Variants in PAPPA observed in about 807,000 individuals in gnomAD.
PAPPA encodes pappalysin-1.
PAPPA carries 60 observed loss-of-function variants against 164.0 expected under a neutral mutation model. The observed-to-expected ratio is 0.37, with a 90% CI of 0.30 to 0.45. PAPPA has a LOEUF of 0.45. Among genes scored for constraint, PAPPA ranks in the 20% least tolerant of loss-of-function variants. The pLI, the probability that PAPPA is intolerant of heterozygous loss-of-function variation, is 1.00. For synonymous variants in PAPPA, 875 were observed against 814.1 expected (o/e 1.07, Z -1.27); for missense variants, 1,782 against 2,087.3 (o/e 0.85, Z 2.85).
chr9:116,383,777 C>T (rs1048007491), intron 21 of PAPPA, among the ~76,000 whole-genome samples: 1 of 152,148 alleles, frequency 6.6e-6, no homozygotes, highest in African/African-American at 2.4e-5. Context: ...GCATGCCTAC[C>T]CTTCTTTGGT....
chr9:116,295,017 T>C (rs921477501), intron 9 of PAPPA, among the ~76,000 whole-genome samples: 1 of 152,200 alleles, frequency 6.6e-6, no homozygotes. Flanking sequence ...CTTTGCTTTC[T>C]CCTTGAGCTC....
rs1845989087 is a variant in PAPPA at position 116,331,369 on chromosome 9, C to T, written c.3261+12C>T. 3 of 1,487,014 alleles carry T rather than the reference C, an allele frequency of 2.0e-6. No individual in the cohort carries two copies. The highest frequency in any genetic ancestry group is 1.9e-6 in the Non-Finnish European group (2 of 1,064,154). 92.1% of individuals were successfully genotyped at this position (1,487,014 alleles called of 1,614,324 possible). ...CTTTTTGGCTCCGGGTAAGCTGAAG[C>T]TCTGAGAGCTTTGGAATCTCCAGCA... On this transcript the variant is annotated intron_variant, in intron 11 of 21. Transcript: ENST00000328252.
At chr9:116,307,825 A>C (rs1845666747) in intron 10 of PAPPA, among the ~76,000 whole-genome samples, 1 of 152,154 alleles carries the variant, frequency 6.6e-6, no homozygotes, top group Non-Finnish European at 1.5e-5. Context: ...AACCTTGAGT[A>C]AGTTACTCTT....
intron 13 of PAPPA, among the ~76,000 whole-genome samples, chr9:116,341,232 G>A (rs2118969510): frequency 6.6e-6 from 1 of 151,998 alleles, no homozygotes; most frequent in Non-Finnish European, 1.5e-5. Flanking sequence ...CTAGAGACAG[G>A]GATGCACCAT....
At chr9:116,221,020 A>G (rs1002666594) in intron 5 of PAPPA, among the ~76,000 whole-genome samples, 3 of 152,090 alleles carry the variant, frequency 2.0e-5, no homozygotes, top group African/African-American at 7.2e-5. Context: ...CTGAGGCACA[A>G]GGTACCTCTA....
intron 7 of PAPPA, among the ~76,000 whole-genome samples, chr9:116,246,007 A>C (rs1054906019): frequency 6.6e-6 from 1 of 152,234 alleles, no homozygotes; most frequent in Non-Finnish European, 1.5e-5. Context: ...AATAGAAAGA[A>C]AGCAATATTC....
At chr9:116,294,273 T>C (rs2118873603) in intron 9 of PAPPA, among the ~76,000 whole-genome samples, 1 of 152,282 alleles carries the variant, frequency 6.6e-6, no homozygotes, top group Middle Eastern at 3.4e-3. Context: ...CATGTGGGTA[T>C]GTGGCCAACC....
chr9:116,274,686 C>T (rs1191734406), intron 9 of PAPPA, among the ~76,000 whole-genome samples: 1 of 152,178 alleles, frequency 6.6e-6, no homozygotes, highest in African/African-American at 2.4e-5. Context: ...TTTTTGGATA[C>T]TTTCTATCAG....
At chr9:116,387,065 C>T (rs1846824175) in intron 21 of PAPPA, among the ~76,000 whole-genome samples, 1 of 152,056 alleles carries the variant, frequency 6.6e-6, no homozygotes, top group South Asian at 2.1e-4. Flanking sequence ...CCTTACACAC[C>T]CAGGCTAGCG....
At position 116,353,857 on chromosome 9, in the gene PAPPA, G is replaced by C. The variant is rs912830076; in HGVS notation, c.4347+64G>C. ...TTTCCTTTCTGCTTACCAAAAACTA[G>C]CCTGTACTTCAGGAACCACTTTCTG... is the stretch of plus-strand genomic sequence containing the variant. On this transcript the variant is annotated intron_variant, in intron 17 of 21. Coordinates refer to ENST00000328252, the MANE Select transcript of PAPPA (RefSeq NM_002581.5). 2.3e-6 allele frequency: 3 copies of C among 1,286,284 alleles called. No homozygotes were observed. In the African/African-American group the frequency reaches 4.5e-5, roughly 19 times the overall value. The allele number at this position is 1,286,284 out of a possible 1,614,324, so 79.7% of individuals were successfully genotyped here.
chr9:116,366,606 C>A (rs1289303095), intron 18 of PAPPA, among the ~76,000 whole-genome samples: 2 of 152,200 alleles, frequency 1.3e-5, no homozygotes, highest in Admixed American at 1.3e-4. Context: ...CTGTCTCTTG[C>A]ACTCATTTTA....
intron 1 of PAPPA, among the ~76,000 whole-genome samples, chr9:116,185,649 A>G (rs1316787955): frequency 6.6e-6 from 1 of 152,116 alleles, no homozygotes; most frequent in African/African-American, 2.4e-5. Context: ...TACACTCTTA[A>G]TTAGAAAGTC....
chr9:116,285,171 C>CTTTTTTTTTTTTTTTTTTTTTTTTTTT, intron 9 of PAPPA, among the ~76,000 whole-genome samples: 6 of 89,496 alleles, frequency 6.7e-5, no homozygotes, highest in Non-Finnish European at 1.0e-4. Context: ...TTCTTTCTTT[C>CTTTTTTTTTTTTTTTTTTTTTTTTTTT]TTTTTTTTTT....
chr9:116,287,234 A>G (rs1170788874), intron 9 of PAPPA: 1 of 152,242 alleles, frequency 6.6e-6, no homozygotes, highest in Non-Finnish European at 1.5e-5. Flanking sequence ...AGCATGGAGA[A>G]AGTCATCCAG....
At chr9:116,164,367 GT>G (rs1843698699) in intron 1 of PAPPA, among the ~76,000 whole-genome samples, 1 of 152,108 alleles carries the variant, frequency 6.6e-6, no homozygotes, top group Non-Finnish European at 1.5e-5. Context: ...AAATGTGTTT[GT>G]TTTTTGGTAT....
intron 21 of PAPPA, among the ~76,000 whole-genome samples, chr9:116,385,274 TA>T (rs1448851866): frequency 1.0e-5 from 1 of 95,554 alleles, no homozygotes; most frequent in Non-Finnish European, 2.1e-5. Flanking sequence ...AATAAATAAA[TA>T]AATAAATAAT....
chr9:116,157,510 G>C (rs1843617975), intron 1 of PAPPA, among the ~76,000 whole-genome samples: 1 of 152,164 alleles, frequency 6.6e-6, no homozygotes, highest in South Asian at 2.1e-4. Context: ...TAGGATTGAA[G>C]AATCCTTTAA....
intron 13 of PAPPA, among the ~76,000 whole-genome samples, chr9:116,338,259 G>A (rs372914177): frequency 6.0e-5 from 9 of 151,228 alleles, no homozygotes; most frequent in Non-Finnish European, 8.8e-5. Flanking sequence ...TTTCACATTC[G>A]CTTTCTTCCT....
chr9:116,298,674 T>C (rs1269409630), intron 9 of PAPPA, among the ~76,000 whole-genome samples: 1 of 152,236 alleles, frequency 6.6e-6, no homozygotes, highest in Non-Finnish European at 1.5e-5. Context: ...ATTTTGGTCA[T>C]TCGTTCATTC....
Sources: allele counts gnomAD v4.1 joint callset (sites outside exome capture counted in the v4.1 genomes callset), GRCh38; gene constraint gnomAD v4.1.1; transcripts MANE v1.5; gene names NCBI Gene and HGNC (gene_info 2026-07-23, HGNC 2026-07-21).